TLN2: variants seen among roughly 807,000 people sequenced by gnomAD.
The protein encoded by TLN2 is talin-2.
A neutral mutation model predicts 294.7 loss-of-function variants in TLN2; 118 were observed. That is an observed-to-expected ratio of 0.40 (90% CI 0.34 to 0.47). The LOEUF (loss-of-function observed/expected upper bound fraction) is 0.47, where lower values mean the gene tolerates loss of function less well. TLN2 is among the 20% of genes least tolerant of loss of function. The pLI is 0.84. For missense variants in TLN2, 3,083 were observed against 3,282.2 expected (o/e 0.94, Z 1.48); for synonymous variants, 1,431 against 1,304.5 (o/e 1.10, Z -2.09).
intron 2 of TLN2, among the ~76,000 whole-genome samples, chr15:62,595,739 A>C (rs951625052): frequency 6.6e-6 from 1 of 152,214 alleles, no homozygotes; most frequent in Admixed American, 6.5e-5. Context: ...CTTCAAGGAA[A>C]TTGTCATTTG....
intron 40 of TLN2, among the ~76,000 whole-genome samples, chr15:62,764,586 TGC>T (rs2062876434): frequency 6.6e-6 from 1 of 152,190 alleles, no homozygotes; most frequent in Non-Finnish European, 1.5e-5. Flanking sequence ...CGTATGTATA[TGC>T]ATGCAGATAA....
Position 62,657,794 on chromosome 15 carries a change from C to T in TLN2, c.684C>T (p.Gly228=), listed in dbSNP as rs759817353. ...YVQARDDILN[G]SHPVSFEKAC... The stretch of plus-strand genomic sequence containing the variant: ...AGGCACGGGATGACATCCTGAATGG[C>T]TCTCACCCTGTCTCCTTCGAGAAAG... The change falls in exon 9 of 59, where the codon GGC becomes GGT. Residue 228 remains glycine (G), a synonymous_variant. Transcript: ENST00000636159. 1.2e-6 allele frequency: 2 copies of T among 1,613,684 alleles called. No homozygotes were observed. The highest frequency in any genetic ancestry group is 1.7e-6 in the Non-Finnish European group (2 of 1,179,900).
intron 21 of TLN2, 152 bp downstream of exon 21, chr15:62,708,948 G>T (rs1401637155): frequency 3.4e-6 from 3 of 894,264 alleles, no homozygotes; most frequent in African/African-American, 1.7e-5. Context: ...CTCAGAAAAA[G>T]ATATAAGACT....
Position 62,686,668 on chromosome 15 carries a change from G to T in TLN2, c.985G>T (p.Val329Leu). 6.2e-7 allele frequency: 1 copy of T among 1,613,814 alleles called. No individual in the cohort carries two copies. Among genetic ancestry groups the T allele is most frequent in the South Asian group, 1.1e-5 (1 of 90,994 alleles). The change falls in exon 12 of 59, where the codon GTG becomes TTG. Residue 329 changes from valine to leucine, a missense_variant. By Grantham distance (32) the Val-to-Leu change is conservative. Coordinates refer to ENST00000636159, the MANE Select transcript of TLN2 (RefSeq NM_015059.3). Reference protein sequence around the residue: ...KEKMKGKNKLVPRLLGITKDS... With the variant: ...KEKMKGKNKLLPRLLGITKDS... Reference sequence around the variant, plus strand: ...GAAGATGAAAGGCAAGAACAAGCTGGTGCCTCGCCTGCTGGGGATCACCAA... The same window carrying T: ...GAAGATGAAAGGCAAGAACAAGCTGTTGCCTCGCCTGCTGGGGATCACCAA...
chr15:62,636,420 G>A (rs944475042), intron 3 of TLN2, among the ~76,000 whole-genome samples: 3 of 152,028 alleles, frequency 2.0e-5, no homozygotes, highest in East Asian at 3.9e-4. Flanking sequence ...TATGCAGATG[G>A]ACTTTGAGTC....
intron 25 of TLN2, among the ~76,000 whole-genome samples, chr15:62,722,126 C>T (rs576576171): frequency 6.6e-6 from 1 of 152,244 alleles, no homozygotes; most frequent in Admixed American, 6.5e-5. Flanking sequence ...CCTCCTCTAC[C>T]CTCCATGACA....
chr15:62,583,399 G>A (rs2045308762), intron 1 of TLN2, among the ~76,000 whole-genome samples: 2 of 152,142 alleles, frequency 1.3e-5, no homozygotes, highest in Non-Finnish European at 2.9e-5. Flanking sequence ...ACAATTGGCT[G>A]TAATAATGTA....
intron 1 of TLN2, among the ~76,000 whole-genome samples, chr15:62,464,537 G>A (rs2037001832): frequency 6.6e-6 from 1 of 151,556 alleles, no homozygotes; most frequent in Non-Finnish European, 1.5e-5. Flanking sequence ...CAAACCTGCA[G>A]ATTGTGCACA....
intron 1 of TLN2, among the ~76,000 whole-genome samples, chr15:62,587,385 A>G (rs1447432926): frequency 6.6e-6 from 1 of 152,256 alleles, no homozygotes; most frequent in Non-Finnish European, 1.5e-5. Context: ...TTTGATAACC[A>G]GAATCATAAC....
chr15:62,827,100 C>A (rs572614679), intron 54 of TLN2, among the ~76,000 whole-genome samples: 1 of 152,138 alleles, frequency 6.6e-6, no homozygotes, highest in Non-Finnish European at 1.5e-5. Flanking sequence ...GGAGGCAAGC[C>A]CTTTGGCCAT....
chr15:62,645,910 T>C (rs2051771183), intron 3 of TLN2, among the ~76,000 whole-genome samples: 1 of 152,190 alleles, frequency 6.6e-6, no homozygotes, highest in Non-Finnish European at 1.5e-5. Flanking sequence ...AAAAAGCGTT[T>C]GTGATACAGG....
At chr15:62,530,316 A>ATTTGTTTG (rs113403334) in intron 1 of TLN2, among the ~76,000 whole-genome samples, 1 of 152,036 alleles carries the variant, frequency 6.6e-6, no homozygotes, top group African/African-American at 2.4e-5. Flanking sequence ...ATATAAATGT[A>ATTTGTTTG]TTTGTTTGTT....
intron 51 of TLN2, among the ~76,000 whole-genome samples, 200 bp from the exon 52 acceptor site, chr15:62,809,725 G>T (rs1463544138): frequency 6.6e-6 from 1 of 152,218 alleles, no homozygotes; most frequent in Non-Finnish European, 1.5e-5. Context: ...AACAAAGTCT[G>T]CACACAGACT....
At chr15:62,635,504 G>C (rs939629123) in intron 3 of TLN2, among the ~76,000 whole-genome samples, 1 of 152,114 alleles carries the variant, frequency 6.6e-6, no homozygotes, top group Admixed American at 6.5e-5. Context: ...GAATTATATA[G>C]AGCATATCAT....
chr15:62,562,073 C>T (rs1369181436), intron 1 of TLN2, among the ~76,000 whole-genome samples: 6 of 152,080 alleles, frequency 3.9e-5, no homozygotes, highest in Middle Eastern at 3.2e-3. Context: ...TTCAAATTCG[C>T]GATACCTGGC....
intron 1 of TLN2, among the ~76,000 whole-genome samples, chr15:62,576,105 A>ACATGTAATATTT: frequency 6.6e-6 from 1 of 152,116 alleles, no homozygotes; most frequent in Admixed American, 6.5e-5. Flanking sequence ...GTCTTACTAG[A>ACATGTAATATTT]ACATGTAAAT....
chr15:62,727,081 T>C lies in TLN2; in HGVS notation c.3256-6T>C, dbSNP rs775199840. The C allele has an allele frequency of 6.8e-6, 11 of 1,613,880 alleles. No individual in the cohort carries two copies. Among genetic ancestry groups the C allele is most frequent in the Middle Eastern group, 1.7e-4 (1 of 6,058 alleles). On this transcript the variant is annotated splice_polypyrimidine_tract_variant and splice_region_variant and intron_variant, in intron 27 of 58. Coordinates refer to ENST00000636159, the MANE Select transcript of TLN2 (RefSeq NM_015059.3). ...ACGTTCTTTCCCTCCTTGAATATTC[T>C]TGTAGCTGGAAAAATGTGCTCAGGA...
At chr15:62,492,728 A>G (rs536752017) in intron 1 of TLN2, among the ~76,000 whole-genome samples, 1 of 152,292 alleles carries the variant, frequency 6.6e-6, no homozygotes, top group East Asian at 1.9e-4. Context: ...ATTAAAATGT[A>G]TAAGTAAGTT....
intron 1 of TLN2, among the ~76,000 whole-genome samples, chr15:62,428,468 G>C (rs899317984): frequency 6.6e-6 from 1 of 152,224 alleles, no homozygotes; most frequent in Admixed American, 6.5e-5. Flanking sequence ...ATAACAGTAG[G>C]AGCAGGATTG....
Sources: allele counts gnomAD v4.1 joint callset (sites outside exome capture counted in the v4.1 genomes callset), GRCh38; gene constraint gnomAD v4.1.1; transcripts MANE v1.5; gene names NCBI Gene and HGNC (gene_info 2026-07-23, HGNC 2026-07-21).